The following CRLF2 variants were observed in gnomAD, a reference collection of about 807,000 sequenced individuals.
CRLF2 encodes cytokine receptor-like factor 2.
Under a neutral mutation model 38.7 loss-of-function variants are expected in CRLF2, and 41 were observed. That is an observed-to-expected ratio of 1.06 (90% CI 0.83 to 1.37). The LOEUF (loss-of-function observed/expected upper bound fraction) is 1.37, where lower values mean the gene tolerates loss of function less well. Ranked by LOEUF, CRLF2 falls within the 40% of genes most tolerant of loss-of-function variation. The probability of loss-of-function intolerance (pLI) is 0.00; values close to 1 mark genes in which losing one functional copy is unlikely to be tolerated. For missense variants in CRLF2, 377 were observed against 322.2 expected (o/e 1.17, Z -1.30); for synonymous variants, 140 against 128.8 (o/e 1.09, Z -0.59).
chrX:1,196,208 G>T (rs1473834919), intron 6 of CRLF2, among the ~76,000 whole-genome samples: 17 of 128,666 alleles, frequency 1.3e-4, no homozygotes, highest in Non-Finnish European at 2.1e-4. Flanking sequence ...TTTTTTTTGA[G>T]ACAGAGTCTC....
chrX:1,201,666 C>G (rs1362867182), intron 4 of CRLF2, among the ~76,000 whole-genome samples: 5 of 150,188 alleles, frequency 3.3e-5, no homozygotes, highest in African/African-American at 4.9e-5. Context: ...GAGAGACAGA[C>G]AGACAGATGA....
At chrX:1,198,383 A>C in intron 5 of CRLF2, among the ~76,000 whole-genome samples, 179 bp downstream of exon 5, 1 of 104,464 alleles carries the variant, frequency 9.6e-6, no homozygotes, top group African/African-American at 3.6e-5. Context: ...AAGATAGGAC[A>C]CCCTCCCTCC....
chrX:1,210,124 AAG>A (rs1384602885), intron 1 of CRLF2, among the ~76,000 whole-genome samples: 6 of 67,550 alleles, frequency 8.9e-5, no homozygotes, highest in African/African-American at 1.9e-4. Flanking sequence ...AAGAAAAGAA[AAG>A]AAAAGAAAAG....
chrX:1,206,525 A>G lies in CRLF2; in HGVS notation c.257T>C (p.Leu86Pro), dbSNP rs757449333. The change falls in exon 3 of 8, where the codon CTA (leucine) becomes CCA (proline). Residue 86 changes from leucine (L) to proline (P), a missense_variant. Transcript: ENST00000400841. Reference sequence around the variant, plus strand: ...AATGTCGTCTCGCTGCTCTGCGTCTAGGAGGCACCCCGAAGTGTGACCTTC... The same window carrying G: ...AATGTCGTCTCGCTGCTCTGCGTCTGGGAGGCACCCCGAAGTGTGACCTTC... Reference protein sequence around the residue: ...LQEGHTSGCLLDAEQRDDILY... With the variant: ...LQEGHTSGCLPDAEQRDDILY... The G allele has an allele frequency of 1.8e-5, 29 of 1,613,486 alleles. No individual in the cohort carries two copies. Among genetic ancestry groups the G allele is most frequent in the Non-Finnish European group, 8.5e-7 (1 of 1,179,590 alleles).
At chrX:1,197,420 A>G (rs2086503390) in intron 5 of CRLF2, among the ~76,000 whole-genome samples, 1 of 152,052 alleles carries the variant, frequency 6.6e-6, no homozygotes, top group Non-Finnish European at 1.5e-5. Context: ...CAGGTCCAAC[A>G]TGTAGCCTTT....
At chrX:1,210,126 G>T (rs113491446) in intron 1 of CRLF2, among the ~76,000 whole-genome samples, 1 of 67,914 alleles carries the variant, frequency 1.5e-5, no homozygotes, top group African/African-American at 6.0e-5. Flanking sequence ...GAAAAGAAAA[G>T]AAAAGAAAAG....
chrX:1,198,119 C>T (rs1376379432), intron 5 of CRLF2, among the ~76,000 whole-genome samples: 1 of 151,548 alleles, frequency 6.6e-6, no homozygotes, highest in African/African-American at 2.4e-5. Context: ...CTCAGACACA[C>T]CCTCCTGGGA....
chrX:1,198,307 C>T (rs868381445), intron 5 of CRLF2, among the ~76,000 whole-genome samples: 16 of 116,220 alleles, frequency 1.4e-4, no homozygotes, highest in Admixed American at 3.6e-4. Context: ...CCTCCCACCT[C>T]CCAGGAAGGC....
intron 1 of CRLF2, 123 bp downstream of exon 1, chrX:1,212,433 A>AAG: frequency 1.5e-6 from 1 of 645,682 alleles, no homozygotes. Flanking sequence ...AAAAAAAAAA[A>AAG]AAAAAGAAAA....
At chrX:1,191,350 T>C (rs1473656575) in intron 7 of CRLF2, among the ~76,000 whole-genome samples, 190 bp from the exon 8 acceptor site, 60 of 120,294 alleles carry the variant, frequency 5.0e-4, no homozygotes, top group African/African-American at 1.1e-3. Flanking sequence ...TCTTTCCTTC[T>C]TTCTTTCTTT....
chrX:1,210,001 G>T (rs1179499910), intron 1 of CRLF2, among the ~76,000 whole-genome samples: 1 of 151,610 alleles, frequency 6.6e-6, no homozygotes, highest in Non-Finnish European at 1.5e-5. Context: ...CTACCTGGGA[G>T]GCTGAGGCAG....
chrX:1,197,917 G>A (rs1339052983), intron 5 of CRLF2, among the ~76,000 whole-genome samples: 20 of 151,990 alleles, frequency 1.3e-4, no homozygotes, highest in South Asian at 4.2e-4. Flanking sequence ...CGGGAGAATC[G>A]ATTGAACGTG....
At chrX:1,191,361 C>CTTTCTTTCCTTTCTTTCTTTCTTTCTTT (rs1230620683) in intron 7 of CRLF2, among the ~76,000 whole-genome samples, 2 of 73,170 alleles carry the variant, frequency 2.7e-5, no homozygotes, top group African/African-American at 1.1e-4. Context: ...TTCTTTCTTT[C>CTTTCTTTCCTTTCTTTCTTTCTTTCTTT]CTTTCTTTCT....
At chrX:1,200,449 G>T (rs1242969857) in intron 4 of CRLF2, among the ~76,000 whole-genome samples, 4 of 150,928 alleles carry the variant, frequency 2.7e-5, no homozygotes, top group Non-Finnish European at 1.5e-5. Context: ...TTTATATAAG[G>T]TGTGTGTATA....
At chrX:1,203,949 G>A (rs1290218257) in intron 3 of CRLF2, among the ~76,000 whole-genome samples, 2 of 151,974 alleles carry the variant, frequency 1.3e-5, no homozygotes, top group African/African-American at 2.4e-5. Flanking sequence ...CAGCCTTACA[G>A]AATTCTAGGA....
chrX:1,191,390 TTC>T (rs1168678718), intron 7 of CRLF2, among the ~76,000 whole-genome samples: 1 of 147,970 alleles, frequency 6.8e-6, no homozygotes, highest in East Asian at 2.0e-4. Flanking sequence ...CTTTCTCTCT[TTC>T]TCTCTTTCTT....
At chrX:1,210,244 C>T (rs1474397186) in intron 1 of CRLF2, among the ~76,000 whole-genome samples, 4 of 152,010 alleles carry the variant, frequency 2.6e-5, no homozygotes, top group African/African-American at 7.2e-5. Context: ...TTTGTAATTC[C>T]GAACAGGGAC....
At chrX:1,197,535 G>A (rs2086506410) in intron 5 of CRLF2, among the ~76,000 whole-genome samples, 1 of 151,988 alleles carries the variant, frequency 6.6e-6, no homozygotes. Context: ...TACGTCAAAG[G>A]CCGGGCGCGG....
At chrX:1,212,453 A>AAAC in intron 1 of CRLF2, 103 bp downstream of exon 1, 1 of 710,424 alleles carries the variant, frequency 1.4e-6, no homozygotes, top group Non-Finnish European at 2.3e-6. Flanking sequence ...AGAAGAAAGA[A>AAAC]ACCTCCATGC....
Sources: gnomAD v4.1 joint callset for allele counts (sites outside exome capture counted in the v4.1 genomes callset) on GRCh38, gnomAD v4.1.1 for gene constraint, MANE v1.5 for transcripts, NCBI Gene and HGNC (gene_info 2026-07-23, HGNC 2026-07-21) for gene names.